The following DDHD1 variants were observed in gnomAD, a reference collection of about 807,000 sequenced individuals.
DDHD1 encodes DDHD domain containing 1.
A neutral mutation model predicts 96.4 loss-of-function variants in DDHD1; 49 were observed. The ratio of observed to expected loss-of-function variants is 0.51; its 90% CI spans 0.40 to 0.64. The LOEUF is 0.64. DDHD1 is among the 30% of genes least tolerant of loss of function. DDHD1 has a pLI of 0.00. For synonymous variants in DDHD1, 442 were observed against 446.5 expected (o/e 0.99, Z 0.13); for missense variants, 1,106 against 1,161.2 (o/e 0.95, Z 0.69).
chr14:53,145,285 G>A (rs1890899074), intron 1 of DDHD1, among the ~76,000 whole-genome samples: 1 of 152,018 alleles, frequency 6.6e-6, no homozygotes, highest in Admixed American at 6.5e-5. Context: ...GGCTGCTTGA[G>A]CCCAGGAGTT....
chr14:53,069,110 C>G (rs1286635342), intron 6 of DDHD1, among the ~76,000 whole-genome samples: 2 of 152,020 alleles, frequency 1.3e-5, no homozygotes, highest in Non-Finnish European at 2.9e-5. Context: ...TTAATTTGGC[C>G]CTGTGTTCTT....
At chr14:53,081,379 G>A (rs1318394476) in intron 4 of DDHD1, among the ~76,000 whole-genome samples, 1 of 152,170 alleles carries the variant, frequency 6.6e-6, no homozygotes, top group African/African-American at 2.4e-5. Context: ...TTTGATGGCT[G>A]TGTAGTTCTT....
intron 4 of DDHD1, among the ~76,000 whole-genome samples, chr14:53,076,019 A>G (rs1337318863): frequency 6.6e-6 from 1 of 152,190 alleles, no homozygotes; most frequent in Non-Finnish European, 1.5e-5. Context: ...GAGATGTACT[A>G]GGAGATGAAT....
chr14:53,037,900 T>A lies in DDHD1; in HGVS notation c.*8868A>T, dbSNP rs907339412. On this transcript the variant is annotated 3_prime_UTR_variant, in exon 13 of 13. Transcript: ENST00000673822. ...TCTTTAATCCATCTTGAGTTAATTTTCATATACGGTGAAAGGTGGGGGGTC... is the reference window on the plus strand; with the variant it reads ...TCTTTAATCCATCTTGAGTTAATTTACATATACGGTGAAAGGTGGGGGGTC... 3 of 152,134 alleles carry A rather than the reference T, an allele frequency of 2.0e-5. No individual in the cohort carries two copies. Among genetic ancestry groups the A allele is most frequent in the African/African-American group, 7.2e-5 (3 of 41,426 alleles). The allele number at this position is 152,134 out of a possible 1,614,324, so 9.4% of individuals were successfully genotyped here.
chr14:53,064,357 C>CCTT (rs1266803916), intron 6 of DDHD1, among the ~76,000 whole-genome samples: 1 of 151,912 alleles, frequency 6.6e-6, no homozygotes, highest in Non-Finnish European at 1.5e-5. Flanking sequence ...TCTCAAAGCA[C>CCTT]TAAAAGATAT....
chr14:53,058,221 C>T (rs1432823402), intron 9 of DDHD1, among the ~76,000 whole-genome samples: 2 of 152,188 alleles, frequency 1.3e-5, no homozygotes, highest in African/African-American at 2.4e-5. Flanking sequence ...AGTCCAACCT[C>T]CACCTCCCAG....
chr14:53,109,597 A>ATG (rs1887958129), intron 1 of DDHD1, among the ~76,000 whole-genome samples: 1 of 152,064 alleles, frequency 6.6e-6, no homozygotes, highest in South Asian at 2.1e-4. Flanking sequence ...GTGTGTGTGC[A>ATG]TGTGTGTGTG....
chr14:53,117,332 T>C (rs958014335), intron 1 of DDHD1, among the ~76,000 whole-genome samples: 1 of 152,142 alleles, frequency 6.6e-6, no homozygotes, highest in African/African-American at 2.4e-5. Context: ...AGCTGAAGTA[T>C]GGTGGGGCGT....
intron 2 of DDHD1, among the ~76,000 whole-genome samples, chr14:53,095,489 C>T (rs111782553): frequency 6.6e-6 from 1 of 152,134 alleles, no homozygotes. Context: ...AATTGTACTT[C>T]TTAGTTATAT....
At chr14:53,142,992 A>G (rs1000241562) in intron 1 of DDHD1, among the ~76,000 whole-genome samples, 11 of 152,260 alleles carry the variant, frequency 7.2e-5, no homozygotes, top group African/African-American at 1.9e-4. Context: ...GAAGATGGAG[A>G]AACAATCATA....
intron 1 of DDHD1, among the ~76,000 whole-genome samples, chr14:53,117,259 A>G (rs1888616506): frequency 6.6e-6 from 1 of 152,132 alleles, no homozygotes; most frequent in Non-Finnish European, 1.5e-5. Context: ...TGCATTTCCA[A>G]CTGAGGTACC....
chr14:53,059,337 T>G (rs571369064), intron 8 of DDHD1, among the ~76,000 whole-genome samples: 2 of 152,052 alleles, frequency 1.3e-5, no homozygotes, highest in Non-Finnish European at 2.9e-5. Context: ...CTCCGCCTCC[T>G]GGGTTCACGC....
In DDHD1 at chr14:53,139,810, G is replaced by A. The variant is rs1325319675; in HGVS notation, c.838+12451C>T. ...ATTAAATTATAAGACATACAAAGAA[G>A]ATGGGAAAAACCAACACACTGCCAA... is the stretch of plus-strand genomic sequence containing the variant. On this transcript the variant is annotated intron_variant, in intron 1 of 12. Transcript: ENST00000673822. Among the ~76,000 whole-genome samples the A allele has an allele frequency of 2.2e-5, 3 of 133,542 alleles. No individual in the cohort carries two copies. In the Admixed American group the frequency reaches 2.3e-4, roughly 10 times the overall value. 87.6% of individuals were successfully genotyped at this position (133,542 alleles called of 152,430 possible).
At chr14:53,116,431 G>A (rs1888548090) in intron 1 of DDHD1, among the ~76,000 whole-genome samples, 1 of 152,158 alleles carries the variant, frequency 6.6e-6, no homozygotes. Context: ...ATTCTTCTCA[G>A]TGCCACATAG....
intron 6 of DDHD1, among the ~76,000 whole-genome samples, chr14:53,070,253 G>C (rs1367279658): frequency 6.6e-6 from 1 of 152,138 alleles, no homozygotes; most frequent in Non-Finnish European, 1.5e-5. Flanking sequence ...AAATTTGCAA[G>C]TATAATTCAT....
intron 9 of DDHD1, among the ~76,000 whole-genome samples, 180 bp downstream of exon 9, chr14:53,058,297 T>TTCACC (rs1279708990): frequency 2.0e-5 from 3 of 151,822 alleles, no homozygotes; most frequent in African/African-American, 2.4e-5. Flanking sequence ...GTATTTTTAG[T>TTCACC]AGAGATGAGG....
chr14:53,062,825 T>C (rs1292500649), intron 7 of DDHD1, 118 bp downstream of exon 7: 6 of 1,081,240 alleles, frequency 5.5e-6, no homozygotes, highest in African/African-American at 1.6e-5. Context: ...TATATAGTAA[T>C]CTTTGTATCT....
At chr14:53,073,316 A>T (rs907219872) in intron 5 of DDHD1, among the ~76,000 whole-genome samples, 3 of 152,084 alleles carry the variant, frequency 2.0e-5, no homozygotes, top group Non-Finnish European at 4.4e-5. Flanking sequence ...GAAAACAAAA[A>T]ACCTGAGATT....
At chr14:53,090,179 A>G (rs1391877832) in intron 4 of DDHD1, among the ~76,000 whole-genome samples, 2 of 152,200 alleles carry the variant, frequency 1.3e-5, no homozygotes, top group African/African-American at 4.8e-5. Context: ...ATGAGATACC[A>G]TCTCACACCA....
Sources: gnomAD v4.1 joint callset for allele counts (sites outside exome capture counted in the v4.1 genomes callset) on GRCh38, gnomAD v4.1.1 for gene constraint, MANE v1.5 for transcripts, NCBI Gene and HGNC (gene_info 2026-07-23, HGNC 2026-07-21) for gene names.